Variants in VWA3B observed in about 807,000 individuals in gnomAD.
VWA3B encodes the protein von Willebrand factor A domain containing 3B, also known as von Willebrand factor A domain-containing protein 3B.
A neutral mutation model predicts 158.3 loss-of-function variants in VWA3B; 138 were observed. The observed-to-expected ratio is 0.87, with a 90% CI of 0.76 to 1.00. VWA3B has a LOEUF of 1.00. VWA3B is among the 50% of genes least tolerant of loss of function. The pLI is 0.00. For missense variants in VWA3B, 1,555 were observed against 1,565.1 expected (o/e 0.99, Z 0.11); for synonymous variants, 596 against 587.3 (o/e 1.01, Z -0.21).
At chr2:98,173,965 T>C (rs1378118515) in intron 8 of VWA3B, among the ~76,000 whole-genome samples, 1 of 129,402 alleles carries the variant, frequency 7.7e-6, no homozygotes, top group Non-Finnish European at 1.7e-5. Flanking sequence ...AGACTCTGTC[T>C]CAAAAGAAAA....
chr2:98,275,108 T>C (rs1688441073), intron 22 of VWA3B, among the ~76,000 whole-genome samples: 1 of 152,202 alleles, frequency 6.6e-6, no homozygotes, highest in Non-Finnish European at 1.5e-5. Context: ...ACAGTCTGTC[T>C]TCCCCACTGA....
chr2:98,133,817 G>C lies in VWA3B; in HGVS notation c.873-7G>C, dbSNP rs372317864. Reference sequence around the variant, plus strand: ...GCCTTCCTAATGAGCATCTCTTCACGTTTCAGATTCCACGCATTTGCCGAG... The same window carrying C: ...GCCTTCCTAATGAGCATCTCTTCACCTTTCAGATTCCACGCATTTGCCGAG... On this transcript the variant is annotated splice_region_variant and splice_polypyrimidine_tract_variant and intron_variant, in intron 6 of 27. Coordinates refer to ENST00000477737, the MANE Select transcript of VWA3B (RefSeq NM_144992.5). 20 of 1,613,624 alleles carry C rather than the reference G, an allele frequency of 1.2e-5. No individual in the cohort carries two copies. Among genetic ancestry groups the C allele is most frequent in the Non-Finnish European group, 1.7e-5 (20 of 1,179,620 alleles).
At chr2:98,249,083 C>A (rs1574194327) in intron 19 of VWA3B, among the ~76,000 whole-genome samples, 1 of 152,084 alleles carries the variant, frequency 6.6e-6, no homozygotes, top group African/African-American at 2.4e-5. Flanking sequence ...TTCTAAAATG[C>A]CTACATGCTC....
intron 12 of VWA3B, among the ~76,000 whole-genome samples, chr2:98,204,680 G>A (rs972583307): frequency 1.6e-4 from 24 of 152,194 alleles, no homozygotes; most frequent in Non-Finnish European, 2.6e-4. Flanking sequence ...TTTTGTGTGT[G>A]TGCTGTCTTT....
At chr2:98,253,441 C>T (rs1438384785) in intron 20 of VWA3B, among the ~76,000 whole-genome samples, 1 of 152,050 alleles carries the variant, frequency 6.6e-6, no homozygotes, top group Non-Finnish European at 1.5e-5. Flanking sequence ...TTTTAAGAAC[C>T]GAGGCAGCAA....
chr2:98,159,895 A>G (rs1558617149), intron 7 of VWA3B, among the ~76,000 whole-genome samples: 1 of 151,894 alleles, frequency 6.6e-6, no homozygotes, highest in Non-Finnish European at 1.5e-5. Context: ...TGGTGATCCC[A>G]GCTATTCGGG....
intron 2 of VWA3B, among the ~76,000 whole-genome samples, chr2:98,101,923 G>C (rs1015759494): frequency 1.3e-5 from 2 of 151,282 alleles, no homozygotes; most frequent in South Asian, 4.2e-4. Context: ...TCTCAGAGAG[G>C]GGGATGTGGC....
intron 3 of VWA3B, among the ~76,000 whole-genome samples, chr2:98,116,483 C>A (rs1674542388): frequency 6.6e-6 from 1 of 151,892 alleles, no homozygotes; most frequent in Non-Finnish European, 1.5e-5. Flanking sequence ...TCCTATGTGT[C>A]TCAGAGGTTT....
Position 98,133,924 on chromosome 2 carries a change from G to A in VWA3B, c.973G>A (p.Gly325Arg). 1 of 1,614,094 alleles carries A rather than the reference G, an allele frequency of 6.2e-7. No individual in the cohort carries two copies. ...GACTTGGAATTCAAGGAAACTGAAAGGAAAACTCCCTCCAGGTACCTGGAA... is the reference window on the plus strand; with the variant it reads ...GACTTGGAATTCAAGGAAACTGAAAAGAAAACTCCCTCCAGGTACCTGGAA... ...VMTWNSRKLK[G>R]KLPPGAGVRE... The change falls in exon 7 of 28, where the codon GGA (glycine) becomes AGA (arginine). Residue 325 changes from glycine to arginine, a missense_variant. Transcript: ENST00000477737.
chr2:98,188,616 A>C (rs1240874479), intron 10 of VWA3B, among the ~76,000 whole-genome samples: 1 of 152,184 alleles, frequency 6.6e-6, no homozygotes, highest in African/African-American at 2.4e-5. Flanking sequence ...TGTCTGACTT[A>C]ATTTGCTTAA....
At chr2:98,234,965 T>G (rs562325555) in intron 17 of VWA3B, among the ~76,000 whole-genome samples, 198 bp downstream of exon 17, 1 of 152,232 alleles carries the variant, frequency 6.6e-6, no homozygotes, top group African/African-American at 2.4e-5. Context: ...CTTGTGCTTA[T>G]GGTGCCTGGG....
Position 98,312,727 on chromosome 2 carries a change from A to C in VWA3B, c.*378A>C. 1.1e-5 allele frequency: 2 copies of C among 180,248 alleles called. No individual in the cohort carries two copies. The highest frequency in any genetic ancestry group is 2.3e-5 in the Non-Finnish European group (2 of 85,836). The allele number at this position is 180,248 out of a possible 1,614,324, so 11.2% of individuals were successfully genotyped here. ...CCCGCAATCTTGTTTTAAATTAATT[A>C]TCACATCTAAATTAGAGAATTTGTC... On this transcript the variant is annotated 3_prime_UTR_variant, in exon 28 of 28. Transcript: ENST00000477737.
chr2:98,199,072 G>A (rs373799949), intron 12 of VWA3B, among the ~76,000 whole-genome samples: 117 of 137,850 alleles, frequency 8.5e-4, no homozygotes, highest in East Asian at 6.0e-3. Context: ...GGGCGACAGC[G>A]CGAGACTCCG....
At chr2:98,262,711 T>C (rs1687560756) in intron 21 of VWA3B, among the ~76,000 whole-genome samples, 1 of 151,844 alleles carries the variant, frequency 6.6e-6, no homozygotes, top group South Asian at 2.1e-4. Context: ...TTTTGATATC[T>C]GGAAGTATGA....
At position 98,312,341 on chromosome 2, in the gene VWA3B, A is replaced by T. The variant is rs763708804; in HGVS notation, c.3877A>T (p.Thr1293Ser). 1.9e-6 allele frequency: 3 copies of T among 1,611,688 alleles called. No individual in the cohort carries two copies. The highest frequency in any genetic ancestry group is 1.3e-5 in the African/African-American group (1 of 74,974). The change falls in exon 28 of 28, where the codon ACA becomes TCA. Residue 1293 changes from threonine (T) to serine (S), a missense_variant. Physicochemically the swap from Thr to Ser is moderately conservative, Grantham distance 58. Transcript: ENST00000477737. Reference sequence around the variant, plus strand: ...CAAAGGGCTGAGGAGCGTCCCTGAGACACTTTAAGGCCGTCTGGTGGCAGC... The same window carrying T: ...CAAAGGGCTGAGGAGCGTCCCTGAGTCACTTTAAGGCCGTCTGGTGGCAGC... ...SSKGLRSVPE[T>S]L
At chr2:98,200,088 T>C (rs1037247617) in intron 12 of VWA3B, among the ~76,000 whole-genome samples, 2 of 152,256 alleles carry the variant, frequency 1.3e-5, no homozygotes, top group Non-Finnish European at 2.9e-5. Flanking sequence ...TATTGTACTT[T>C]TAATTGCATT....
chr2:98,230,332 T>G, intron 16 of VWA3B, 125 bp downstream of exon 16: 1 of 1,000,580 alleles, frequency 1.0e-6, no homozygotes, highest in Non-Finnish European at 1.3e-6. Context: ...AAATTAAAAT[T>G]TTTATTAAAA....
chr2:98,242,149 A>G (rs918212721), intron 19 of VWA3B: 4 of 446,126 alleles, frequency 9.0e-6, no homozygotes, highest in African/African-American at 8.1e-5. Context: ...ATCTGTCTGC[A>G]TAGAGTTGTA....
chr2:98,173,130 C>T (rs1318745311), intron 8 of VWA3B, among the ~76,000 whole-genome samples: 1 of 152,202 alleles, frequency 6.6e-6, no homozygotes, highest in Non-Finnish European at 1.5e-5. Context: ...AGTACTTGTA[C>T]ATGTTTATCT....
Sources: allele counts gnomAD v4.1 joint callset (sites outside exome capture counted in the v4.1 genomes callset), GRCh38; gene constraint gnomAD v4.1.1; transcripts MANE v1.5; gene names NCBI Gene and HGNC (gene_info 2026-07-23, HGNC 2026-07-21).